PACSIN1: variants seen among roughly 807,000 people sequenced by gnomAD.
The protein encoded by PACSIN1 is protein kinase C and casein kinase substrate in neurons protein 1.
A neutral mutation model predicts 59.5 loss-of-function variants in PACSIN1; 15 were observed. The observed-to-expected ratio is 0.25, with a 90% CI of 0.17 to 0.39. The LOEUF (loss-of-function observed/expected upper bound fraction) is 0.39. Ranked by LOEUF, PACSIN1 falls within the 10% of genes least tolerant of loss-of-function variation. The probability of loss-of-function intolerance (pLI) is 1.00; values close to 1 mark genes in which losing one functional copy is unlikely to be tolerated. For missense variants in PACSIN1, 420 were observed against 580.2 expected (o/e 0.72, Z 2.84); for synonymous variants, 210 against 220.6 (o/e 0.95, Z 0.42).
intron 1 of PACSIN1, among the ~76,000 whole-genome samples, chr6:34,508,918 C>T (rs1325863399): frequency 6.6e-6 from 1 of 151,994 alleles, no homozygotes; most frequent in Non-Finnish European, 1.5e-5. Context: ...GATCCTAGTC[C>T]CTTGTTAGAT....
chr6:34,524,425 C>T (rs186178179), intron 1 of PACSIN1, among the ~76,000 whole-genome samples: 1 of 152,292 alleles, frequency 6.6e-6, no homozygotes, highest in African/African-American at 2.4e-5. Context: ...CCCCCTGCGT[C>T]CCCTGGCCAC....
intron 1 of PACSIN1, among the ~76,000 whole-genome samples, chr6:34,476,108 T>C (rs1163284539): frequency 6.6e-6 from 1 of 152,178 alleles, no homozygotes; most frequent in Non-Finnish European, 1.5e-5. Flanking sequence ...TCCTTGTCCC[T>C]GGAGTTGCCA....
chr6:34,474,318 C>T (rs1039564270), intron 1 of PACSIN1, among the ~76,000 whole-genome samples: 4 of 152,292 alleles, frequency 2.6e-5, no homozygotes, highest in Non-Finnish European at 4.4e-5. Context: ...ACCTCCATTG[C>T]TGCCTTCCCT....
In PACSIN1 at chr6:34,533,545, C is replaced by G. The variant is rs1464908328; in HGVS notation, c.*1015C>G. 6.6e-6 allele frequency: 1 copy of G among 152,426 alleles called. No individual in the cohort carries two copies. Among genetic ancestry groups the G allele is most frequent in the African/African-American group, 2.4e-5 (1 of 41,454 alleles). 9.4% of individuals were successfully genotyped at this position (152,426 alleles called of 1,614,324 possible). ...AAATCACTGGGTTCCACATCAGCCTCCATGAGGCCAAGCCTTGTACCTGCA... is the reference window on the plus strand; with the variant it reads ...AAATCACTGGGTTCCACATCAGCCTGCATGAGGCCAAGCCTTGTACCTGCA... On this transcript the variant is annotated 3_prime_UTR_variant, in exon 10 of 10. Coordinates refer to ENST00000244458, the MANE Select transcript of PACSIN1 (RefSeq NM_020804.5).
At chr6:34,522,220 G>A (rs868062625) in intron 1 of PACSIN1, among the ~76,000 whole-genome samples, 2 of 152,342 alleles carry the variant, frequency 1.3e-5, no homozygotes, top group African/African-American at 4.8e-5. Context: ...CGGCTGGAGC[G>A]AGGATTCAAT....
chr6:34,508,220 C>T (rs1480634408), intron 1 of PACSIN1, among the ~76,000 whole-genome samples: 2 of 152,150 alleles, frequency 1.3e-5, no homozygotes, highest in Non-Finnish European at 2.9e-5. Context: ...TCTCCTGCCT[C>T]AGCCTCCCAA....
At chr6:34,479,497 C>T (rs1258924261) in intron 1 of PACSIN1, among the ~76,000 whole-genome samples, 2 of 152,000 alleles carry the variant, frequency 1.3e-5, no homozygotes, top group Non-Finnish European at 2.9e-5. Flanking sequence ...AGTGCAATGG[C>T]ACGATCTTGG....
In PACSIN1 at chr6:34,530,325, A is replaced by G; in HGVS notation, c.871A>G (p.Ser291Gly). Reference protein sequence around the residue: ...QEDLRWFRSTSGPGMPMNWPQ... With the variant: ...QEDLRWFRSTGGPGMPMNWPQ... ...AGACCTCAGATGGTTCCGCAGCACC[A>G]GTGGCCCCGGCATGCCCATGAACTG... Residue 291 changes from serine to glycine, a missense_variant, in exon 7 of 10, where the codon AGT becomes GGT. By Grantham distance (56) the Ser-to-Gly change is moderately conservative (BLOSUM62 0). Coordinates refer to ENST00000244458, the MANE Select transcript of PACSIN1 (RefSeq NM_020804.5). This position sits in a 1 kb window ranked among gnomAD's most constrained non-coding sequence, Gnocchi z 4.4. The G allele has an allele frequency of 1.2e-6, 2 of 1,614,134 alleles. No individual in the cohort carries two copies. The highest frequency in any genetic ancestry group is 1.7e-6 in the Non-Finnish European group (2 of 1,180,020).
At chr6:34,490,555 C>T (rs544755426) in intron 1 of PACSIN1, among the ~76,000 whole-genome samples, 1 of 152,250 alleles carries the variant, frequency 6.6e-6, no homozygotes, top group Non-Finnish European at 1.5e-5. Context: ...GACCGAGCGC[C>T]GCCACCTGGC....
Position 34,469,738 on chromosome 6 carries a change from T to C in PACSIN1, c.-64+3468T>C, listed in dbSNP as rs542063431. On this transcript the variant is annotated intron_variant, in intron 1 of 9. Coordinates refer to ENST00000244458, the MANE Select transcript of PACSIN1 (RefSeq NM_020804.5). ...GCATCTGCCCACTGAGGTCGCCTGC[T>C]GACAGCACCCACCCCCTGGGGCAAC... Among the ~76,000 whole-genome samples, 427 of 152,250 alleles carry C rather than the reference T, an allele frequency of 2.8e-3. 4 individuals carry two copies. The highest frequency in any genetic ancestry group is 9.7e-3 in the African/African-American group (404 of 41,538).
At chr6:34,477,339 AG>A (rs1259769401) in intron 1 of PACSIN1, among the ~76,000 whole-genome samples, 1 of 152,082 alleles carries the variant, frequency 6.6e-6, no homozygotes. Context: ...TAAAAAAAAA[AG>A]AAAAAAGAAA....
Position 34,529,594 on chromosome 6 carries a change from C to T in PACSIN1, c.612+42C>T. ...ATGGCAGTAGGGGGTCTGGGGGCCC[C>T]TTGCAGAGGGTGGTGGCTGGGAGCT... On this transcript the variant is annotated intron_variant, in intron 5 of 9. Transcript: ENST00000244458. The surrounding 1 kb of genome is among the most constrained non-coding windows in gnomAD (Gnocchi z 6.3). 3 of 1,612,782 alleles carry T rather than the reference C, an allele frequency of 1.9e-6. No individual in the cohort carries two copies. The highest frequency in any genetic ancestry group is 2.5e-6 in the Non-Finnish European group (3 of 1,178,976).
At position 34,533,138 on chromosome 6, in the gene PACSIN1, C is replaced by T. The variant is rs1370348781; in HGVS notation, c.*608C>T. On this transcript the variant is annotated 3_prime_UTR_variant, in exon 10 of 10. Transcript: ENST00000244458. Reference sequence around the variant, plus strand: ...TCCCCCATGGAGGTTTCCAGGGGTCCCCCAGACATGAAAGAGGGGTGAGCT... The same window carrying T: ...TCCCCCATGGAGGTTTCCAGGGGTCTCCCAGACATGAAAGAGGGGTGAGCT... 1 of 152,380 alleles carries T rather than the reference C, an allele frequency of 6.6e-6. No homozygotes were observed. Among genetic ancestry groups the T allele is most frequent in the Non-Finnish European group, 1.5e-5 (1 of 68,192 alleles). 9.4% of individuals were successfully genotyped at this position (152,380 alleles called of 1,614,324 possible).
rs955066731 is a variant in PACSIN1 at position 34,521,990 on chromosome 6, C to T, written c.-63-4253C>T. Among the ~76,000 whole-genome samples, 6 of 152,216 alleles carry T rather than the reference C, an allele frequency of 3.9e-5. No homozygotes were observed. The highest frequency in any genetic ancestry group is 2.1e-4 in the South Asian group (1 of 4,830). On this transcript the variant is annotated intron_variant, in intron 1 of 9. Coordinates refer to ENST00000244458, the MANE Select transcript of PACSIN1 (RefSeq NM_020804.5). This position sits in a 1 kb window ranked among gnomAD's most constrained non-coding sequence, Gnocchi z 4.3. ...CACAGGCCCCAGGGTCAAGTCCTTA[C>T]TCTGCCACCTGTAGCTGCGCGATCT... is the stretch of plus-strand genomic sequence containing the variant.
rs769917884 is a variant in PACSIN1 at position 34,530,335 on chromosome 6, G to A, written c.881G>A (p.Gly294Asp). Residue 294 changes from glycine (G) to aspartate (D), a missense_variant, in exon 7 of 10, where the codon GGC becomes GAC. Coordinates refer to ENST00000244458, the MANE Select transcript of PACSIN1 (RefSeq NM_020804.5). The surrounding 1 kb of genome is among the most constrained non-coding windows in gnomAD (Gnocchi z 4.4). ...TGGTTCCGCAGCACCAGTGGCCCCG[G>A]CATGCCCATGAACTGGCCCCAGTTT... ...LRWFRSTSGPGMPMNWPQFEE... is the reference protein window; with the variant it reads ...LRWFRSTSGPDMPMNWPQFEE... 3.1e-6 allele frequency: 5 copies of A among 1,613,978 alleles called. No individual in the cohort carries two copies. Among genetic ancestry groups the A allele is most frequent in the Non-Finnish European group, 4.2e-6 (5 of 1,180,002 alleles).
Position 34,531,665 on chromosome 6 carries a change from C to T in PACSIN1, c.1103C>T (p.Pro368Leu), listed in dbSNP as rs1160329218. Reference protein sequence around the residue: ...TEWSDDESGNPFGGSETNGGA... With the variant: ...TEWSDDESGNLFGGSETNGGA... ...TGGTCAGACGACGAGAGTGGGAACC[C>T]CTTTGGGGGCAGTGAGACCAACGGG... The change falls in exon 9 of 10, where the codon CCC becomes CTC. Residue 368 changes from proline to leucine, a missense_variant. By Grantham distance (98) the Pro-to-Leu change is moderately conservative. Coordinates refer to ENST00000244458, the MANE Select transcript of PACSIN1 (RefSeq NM_020804.5). The surrounding 1 kb of genome is among the most constrained non-coding windows in gnomAD (Gnocchi z 4.4). The T allele has an allele frequency of 3.7e-6, 6 of 1,613,856 alleles. No individual in the cohort carries two copies. Among genetic ancestry groups the T allele is most frequent in the Admixed American group, 1.7e-5 (1 of 59,988 alleles).
chr6:34,507,834 TATC>T (rs562646000), intron 1 of PACSIN1, among the ~76,000 whole-genome samples: 98 of 152,388 alleles, frequency 6.4e-4, no homozygotes, highest in African/African-American at 2.1e-3. Context: ...TTATTTAAGT[TATC>T]ATAATATCCT....
Position 34,528,834 on chromosome 6 carries a change from G to C in PACSIN1, c.413G>C (p.Gly138Ala). 1 of 1,612,294 alleles carries C rather than the reference G, an allele frequency of 6.2e-7. No homozygotes were observed. The highest frequency in any genetic ancestry group is 8.5e-7 in the Non-Finnish European group (1 of 1,179,704). Residue 138 changes from glycine (G) to alanine (A), a missense_variant, in exon 4 of 10, where the codon GGC (glycine) becomes GCC (alanine). Gly to Ala is a moderately conservative substitution (Grantham distance 60). Coordinates refer to ENST00000244458, the MANE Select transcript of PACSIN1 (RefSeq NM_020804.5). Reference sequence around the variant, plus strand: ...AAGGAGACGAAGGAGGCTGAAGATGGCTTCCGCAAGGCCCAGAAGCCTTGG... The same window carrying C: ...AAGGAGACGAAGGAGGCTGAAGATGCCTTCCGCAAGGCCCAGAAGCCTTGG... ...GFKETKEAED[G>A]FRKAQKPWAK... is the part of the protein sequence containing the mutation.
chr6:34,474,021 C>T (rs571514842), intron 1 of PACSIN1, among the ~76,000 whole-genome samples: 30 of 152,266 alleles, frequency 2.0e-4, no homozygotes, highest in Non-Finnish European at 3.5e-4. Flanking sequence ...AAAGTTCACA[C>T]GTTATGATTG....
Sources: gnomAD v4.1 joint callset for allele counts (sites outside exome capture counted in the v4.1 genomes callset) on GRCh38, gnomAD v4.1.1 for gene constraint, Gnocchi (gnomAD v3.1) non-coding constraint, MANE v1.5 for transcripts, NCBI Gene and HGNC (gene_info 2026-07-23, HGNC 2026-07-21) for gene names.